SLC8A2: variants seen among roughly 807,000 people sequenced by gnomAD.
SLC8A2 encodes the protein sodium/calcium exchanger 2.
A neutral mutation model predicts 70.2 loss-of-function variants in SLC8A2; 14 were observed. The observed-to-expected ratio is 0.20, with a 90% CI of 0.13 to 0.31. The LOEUF (loss-of-function observed/expected upper bound fraction) is 0.31, where lower values mean the gene tolerates loss of function less well. Ranked by LOEUF, SLC8A2 falls within the 10% of genes least tolerant of loss-of-function variation. The probability of loss-of-function intolerance (pLI) is 1.00; values close to 1 mark genes in which losing one functional copy is unlikely to be tolerated. For synonymous variants in SLC8A2, 575 were observed against 594.3 expected (o/e 0.97, Z 0.47); for missense variants, 779 against 1,320.1 (o/e 0.59, Z 6.35).
rs1568443477 is a variant in SLC8A2, at chr19:47,448,182, T to C, written c.1390A>G (p.Ile464Val). The C allele has an allele frequency of 1.2e-6, 2 of 1,610,842 alleles. No individual in the cohort carries two copies. Among genetic ancestry groups the C allele is most frequent in the Admixed American group, 1.7e-5 (1 of 59,686 alleles). The change falls in exon 4 of 10, where the codon ATC (isoleucine) becomes GTC (valine). Residue 464 changes from isoleucine (I) to valine (V), a missense_variant. By Grantham distance (29) the Ile-to-Val change is conservative. Transcript: ENST00000236877. This position sits in a 1 kb window ranked among gnomAD's most constrained non-coding sequence, Gnocchi z 4.8. The part of the protein sequence containing the change: ...KPGETQKELR[I>V]GIIDDDIFEE... The stretch of plus-strand genomic sequence containing the variant: ...AAGATGTCGTCGTCGATGATGCCGA[T>C]GCGCAGCTCCTTCTGCGTCTCGCCT...
intron 2 of SLC8A2, among the ~76,000 whole-genome samples, chr19:47,463,577 C>A (rs1201733586): frequency 4.0e-5 from 6 of 148,292 alleles, no homozygotes; most frequent in African/African-American, 1.2e-4. Context: ...ACTAAAAATA[C>A]AAAAATTAGC....
chr19:47,437,902 G>T lies in SLC8A2; in HGVS notation c.1957C>A (p.Leu653Ile). 1.2e-6 allele frequency: 2 copies of T among 1,614,048 alleles called. No individual in the cohort carries two copies. The highest frequency in any genetic ancestry group is 1.7e-5 in the Admixed American group (1 of 60,010). Residue 653 changes from leucine to isoleucine, a missense_variant, in exon 7 of 10, where the codon CTT becomes ATT. Physicochemically the swap from Leu to Ile is conservative, Grantham distance 5. This residue lies in a region of SLC8A2 where 247 missense variants were observed against 362.8 expected (regional missense o/e 0.68). Coordinates refer to ENST00000236877, the MANE Select transcript of SLC8A2 (RefSeq NM_015063.3). Reference sequence around the variant, plus strand: ...ACCTCCAGCCGGCAGTTCTCCCCAAGAACTGGCTTGCCCATCTCTGCTATC... The same window carrying T: ...ACCTCCAGCCGGCAGTTCTCCCCAATAACTGGCTTGCCCATCTCTGCTATC... ...RRIAEMGKPV[L>I]GENCRLEVII...
At position 47,447,400 on chromosome 19, in the gene SLC8A2, C is replaced by T. The variant is rs1386026678; in HGVS notation, c.1763+409G>A. On this transcript the variant is annotated intron_variant, in intron 4 of 9. Transcript: ENST00000236877. This position sits in a 1 kb window ranked among gnomAD's most constrained non-coding sequence, Gnocchi z 5.1. Reference sequence around the variant, plus strand: ...GGCCCCGTCCCATCTCTCCTCACCTCGTCCCCCCTTCCTCCTTGGGGCCCT... The same window carrying T: ...GGCCCCGTCCCATCTCTCCTCACCTTGTCCCCCCTTCCTCCTTGGGGCCCT... The T allele has an allele frequency of 1.2e-5, 3 of 253,452 alleles. No individual in the cohort carries two copies. Among genetic ancestry groups the T allele is most frequent in the Non-Finnish European group, 2.3e-5 (3 of 130,736 alleles). The allele number at this position is 253,452 out of a possible 1,614,324, so 15.7% of individuals were successfully genotyped here.
At chr19:47,459,024 G>C (rs1483966048) in intron 2 of SLC8A2, among the ~76,000 whole-genome samples, 1 of 131,134 alleles carries the variant, frequency 7.6e-6, no homozygotes, top group Admixed American at 8.1e-5. Flanking sequence ...CCTTGCTCCC[G>C]TTCCTCTCCA....
In SLC8A2 at chr19:47,432,845, C is replaced by G. The variant is rs1966982335; in HGVS notation, c.2111-400G>C. Among the ~76,000 whole-genome samples the G allele has an allele frequency of 6.6e-6, 1 of 152,076 alleles. No individual in the cohort carries two copies. The highest frequency in any genetic ancestry group is 2.4e-5 in the African/African-American group (1 of 41,416). On this transcript the variant is annotated intron_variant, in intron 8 of 9. Transcript: ENST00000236877. This position sits in a 1 kb window ranked among gnomAD's most constrained non-coding sequence, Gnocchi z 6.2. ...CTAAAAACAGTTACTTTCCCTGCAT[C>G]CTTTGAAGCTAGGAGTGTGAATGGG...
At chr19:47,469,286 A>G (rs1967503572) in intron 1 of SLC8A2, among the ~76,000 whole-genome samples, 1 of 152,052 alleles carries the variant, frequency 6.6e-6, no homozygotes, top group East Asian at 1.9e-4. Context: ...TTACAAACCC[A>G]CCAGGATCCA....
chr19:47,447,867 C>G lies in SLC8A2; in HGVS notation c.1705G>C (p.Gly569Arg). 1 of 1,593,850 alleles carries G rather than the reference C, an allele frequency of 6.3e-7. No homozygotes were observed. Among genetic ancestry groups the G allele is most frequent in the Non-Finnish European group, 8.5e-7 (1 of 1,174,462 alleles). ...YRTVDGTARG[G>R]GVHYEDACGE... Reference sequence around the variant, plus strand: ...CACGCGTCCTCGTAGTGCACGCCGCCGCCGCGCGCCGTGCCGTCCACCGTG... The same window carrying G: ...CACGCGTCCTCGTAGTGCACGCCGCGGCCGCGCGCCGTGCCGTCCACCGTG... The change falls in exon 4 of 10, where the codon GGC becomes CGC. Residue 569 changes from glycine to arginine, a missense_variant. By Grantham distance (125) the Gly-to-Arg change is moderately radical. Coordinates refer to ENST00000236877, the MANE Select transcript of SLC8A2 (RefSeq NM_015063.3). This position sits in a 1 kb window ranked among gnomAD's most constrained non-coding sequence, Gnocchi z 5.1.
At chr19:47,470,987 T>TC (rs1188458037) in intron 1 of SLC8A2, among the ~76,000 whole-genome samples, 3 of 149,546 alleles carry the variant, frequency 2.0e-5, no homozygotes, top group African/African-American at 7.4e-5. Context: ...TTCCTCCAGG[T>TC]CCCCCCTGCC....
In SLC8A2 at chr19:47,448,324, G is replaced by A; in HGVS notation, c.1341-93C>T. 2.1e-6 allele frequency: 2 copies of A among 932,218 alleles called. No homozygotes were observed. The highest frequency in any genetic ancestry group is 5.0e-5 in the Admixed American group (2 of 39,918). 57.7% of individuals were successfully genotyped at this position (932,218 alleles called of 1,614,324 possible). On this transcript the variant is annotated intron_variant, in intron 3 of 9. Transcript: ENST00000236877. The surrounding 1 kb of genome is among the most constrained non-coding windows in gnomAD (Gnocchi z 4.8). ...GAGTCTGGACGTGCTTCCCAGAGGA[G>A]ACGTAGGTGCCATAGAAGAACTCCC...
chr19:47,463,379 C>T (rs1267855454), intron 2 of SLC8A2, among the ~76,000 whole-genome samples: 5 of 150,230 alleles, frequency 3.3e-5, no homozygotes, highest in East Asian at 2.0e-4. Flanking sequence ...GTGATCCGCC[C>T]GCCTCAGCCT....
chr19:47,434,129 C>G (rs1011013585), intron 8 of SLC8A2, among the ~76,000 whole-genome samples: 1 of 152,246 alleles, frequency 6.6e-6, no homozygotes, highest in African/African-American at 2.4e-5. Context: ...GAACGCATCC[C>G]TAACTGATGT....
chr19:47,433,921 G>C (rs1966994672), intron 8 of SLC8A2, among the ~76,000 whole-genome samples: 1 of 152,220 alleles, frequency 6.6e-6, no homozygotes, highest in Admixed American at 6.5e-5. Flanking sequence ...TGGGATTACA[G>C]GTGTCGGCCA....
At chr19:47,438,002 C>G in intron 6 of SLC8A2, 29 bp from the exon 7 acceptor site, 1 of 1,613,464 alleles carries the variant, frequency 6.2e-7, no homozygotes, top group Non-Finnish European at 8.5e-7. Context: ...GGGTTAGACT[C>G]CTGGGAGACC....
At chr19:47,437,820 TC>T (rs1967049838) in intron 7 of SLC8A2, 28 bp downstream of exon 7, 2 of 1,613,526 alleles carry the variant, frequency 1.2e-6, no homozygotes, top group African/African-American at 2.7e-5. Context: ...CAGGCTGGAC[TC>T]CAGGAAGGTG....
chr19:47,442,403 C>T (rs542013834), intron 4 of SLC8A2, among the ~76,000 whole-genome samples: 3 of 152,284 alleles, frequency 2.0e-5, no homozygotes, highest in East Asian at 1.9e-4. Flanking sequence ...AGTCAAAGTC[C>T]TTAGGATGGC....
chr19:47,444,876 G>A (rs1028488868), intron 4 of SLC8A2, among the ~76,000 whole-genome samples: 25 of 152,102 alleles, frequency 1.6e-4, no homozygotes, highest in Non-Finnish European at 4.4e-5. Context: ...TCCCCTGCCA[G>A]TCTCTGATCT....
Position 47,457,583 on chromosome 19 carries a change from C to A in SLC8A2, c.687G>T (p.Ala229=), listed in dbSNP as rs757521519. 2 of 1,561,624 alleles carry A rather than the reference C, an allele frequency of 1.3e-6. No homozygotes were observed. The highest frequency in any genetic ancestry group is 1.9e-5 in the Admixed American group (1 of 53,540). ...CCGGGAAGAAGACCAGGGTCAGCAG[C>A]GCCTCCCACACCTGCGGGCGGCGGG... is the stretch of plus-strand genomic sequence containing the variant. ...FSPGVVQVWE[A]LLTLVFFPVC... is the part of the protein sequence containing the mutation. Residue 229 remains alanine (A), a synonymous_variant, in exon 3 of 10, where the codon GCG becomes GCT. Transcript: ENST00000236877.
In SLC8A2 at chr19:47,432,764, T is replaced by TA. The variant is rs1244293955; in HGVS notation, c.2111-320dup. Among the ~76,000 whole-genome samples the TA allele has an allele frequency of 2.0e-5, 3 of 151,536 alleles. No individual in the cohort carries two copies. Among genetic ancestry groups the TA allele is most frequent in the African/African-American group, 4.9e-5 (2 of 41,182 alleles). On this transcript the variant is annotated intron_variant, in intron 8 of 9. Transcript: ENST00000236877. The surrounding 1 kb of genome is among the most constrained non-coding windows in gnomAD (Gnocchi z 6.2). ...AGCTAGGGGCATGACTGAGTCCAGGTAAAAAAATTTTACTTTCCCAGAATC... is the reference window on the plus strand; with the variant it reads ...AGCTAGGGGCATGACTGAGTCCAGGTAAAAAAAATTTTACTTTCCCAGAATC...
At chr19:47,438,224 G>A (rs1159117649) in intron 6 of SLC8A2, among the ~76,000 whole-genome samples, 2 of 152,162 alleles carry the variant, frequency 1.3e-5, no homozygotes, top group Non-Finnish European at 2.9e-5. Context: ...GAGACTTTAG[G>A]CAATACCTGA....
Sources: allele counts gnomAD v4.1 joint callset (sites outside exome capture counted in the v4.1 genomes callset), GRCh38; gene constraint gnomAD v4.1.1; regional missense constraint gnomAD v4.1.1; non-coding constraint Gnocchi (gnomAD v3.1); transcripts MANE v1.5; gene names NCBI Gene and HGNC (gene_info 2026-07-23, HGNC 2026-07-21).